Variants in SPINK6 observed in about 807,000 individuals in gnomAD.
SPINK6 encodes the protein serine peptidase inhibitor Kazal type 6.
Under a neutral mutation model 11.7 loss-of-function variants are expected in SPINK6, and 13 were observed. That is an observed-to-expected ratio of 1.11 (90% CI 0.72 to 1.76). The LOEUF is 1.76. Ranked by LOEUF, SPINK6 falls within the 40% of genes most tolerant of loss-of-function variation. The probability of loss-of-function intolerance (pLI) is 0.00; values close to 1 mark genes in which losing one functional copy is unlikely to be tolerated. For synonymous variants in SPINK6, 21 were observed against 31.9 expected (o/e 0.66, Z 1.15); for missense variants, 98 against 93.7 (o/e 1.05, Z -0.19).
At chr5:148,205,179 G>T (rs1228960747) in intron 1 of SPINK6, among the ~76,000 whole-genome samples, 1 of 152,118 alleles carries the variant, frequency 6.6e-6, no homozygotes, top group Non-Finnish European at 1.5e-5. Flanking sequence ...TCCCATAAGT[G>T]TTGGCCATCA....
At chr5:148,208,508 C>A (rs1755528758) in intron 2 of SPINK6, among the ~76,000 whole-genome samples, 1 of 152,166 alleles carries the variant, frequency 6.6e-6, no homozygotes, top group Non-Finnish European at 1.5e-5. Context: ...CATGATGAGA[C>A]AACTGATGGG....
intron 1 of SPINK6, among the ~76,000 whole-genome samples, chr5:148,204,719 G>A (rs1033742432): frequency 6.6e-6 from 1 of 151,982 alleles, no homozygotes; most frequent in Non-Finnish European, 1.5e-5. Flanking sequence ...TTTAACAAAT[G>A]TCTATTAACA....
At chr5:148,209,957 T>G (rs1755549104) in intron 2 of SPINK6, among the ~76,000 whole-genome samples, 1 of 151,750 alleles carries the variant, frequency 6.6e-6, no homozygotes, top group Non-Finnish European at 1.5e-5. Context: ...TTCATATATA[T>G]GTATACATAC....
At chr5:148,203,264 TGAGA>T (rs781130220) in intron 1 of SPINK6, 110 bp downstream of exon 1, 1 of 733,176 alleles carries the variant, frequency 1.4e-6, no homozygotes, top group Non-Finnish European at 2.3e-6. Context: ...AGACCAATTC[TGAGA>T]GATTATCATA....
intron 2 of SPINK6, among the ~76,000 whole-genome samples, chr5:148,208,445 A>G (rs1343446607): frequency 6.6e-6 from 1 of 152,228 alleles, no homozygotes; most frequent in East Asian, 1.9e-4. Context: ...GACAAAAGGA[A>G]GTAAGATTTC....
At chr5:148,210,733 G>T (rs193176761) in intron 2 of SPINK6, among the ~76,000 whole-genome samples, 2 of 151,988 alleles carry the variant, frequency 1.3e-5, no homozygotes, top group Admixed American at 6.6e-5. Context: ...TCTGGAAAGA[G>T]TTTCAAAAAG....
chr5:148,212,102 A>G, intron 2 of SPINK6, among the ~76,000 whole-genome samples: 1 of 151,968 alleles, frequency 6.6e-6, no homozygotes, highest in East Asian at 1.9e-4. Context: ...CATTGTGTTG[A>G]AAACAATCTT....
At chr5:148,214,300 C>T (rs994963046) in intron 3 of SPINK6, among the ~76,000 whole-genome samples, 4 of 152,088 alleles carry the variant, frequency 2.6e-5, no homozygotes, top group African/African-American at 9.7e-5. Flanking sequence ...ACATCTTATA[C>T]ATTATAACTT....
At chr5:148,209,665 CTTATT>C (rs1198620055) in intron 2 of SPINK6, among the ~76,000 whole-genome samples, 2 of 151,990 alleles carry the variant, frequency 1.3e-5, no homozygotes, top group East Asian at 1.9e-4. Flanking sequence ...GAGATAAAAA[CTTATT>C]TTATTAGTCC....
chr5:148,215,025 G>A lies in SPINK6; in HGVS notation c.*75G>A. The A allele has an allele frequency of 2.1e-6, 3 of 1,438,520 alleles. No individual in the cohort carries two copies. The highest frequency in any genetic ancestry group is 2.9e-6 in the Non-Finnish European group (3 of 1,024,518). The allele number at this position is 1,438,520 out of a possible 1,614,324, so 89.1% of individuals were successfully genotyped here. ...TCTCACTTCTGCTTATACTTTTGCT[G>A]GTGGATTCCTTTAATTCATAAAGAC... On this transcript the variant is annotated 3_prime_UTR_variant, in exon 4 of 4. Coordinates refer to ENST00000325630, the MANE Select transcript of SPINK6 (RefSeq NM_205841.4).
chr5:148,208,952 A>C (rs927108672), intron 2 of SPINK6, among the ~76,000 whole-genome samples: 5 of 152,244 alleles, frequency 3.3e-5, no homozygotes, highest in Non-Finnish European at 7.3e-5. Context: ...GAATAGTTCG[A>C]AATGAAATAA....
chr5:148,212,480 T>TATATATA (rs1443501373), intron 2 of SPINK6, among the ~76,000 whole-genome samples: 6 of 97,006 alleles, frequency 6.2e-5, no homozygotes, highest in African/African-American at 2.1e-4. Flanking sequence ...TACATATTTT[T>TATATATA]TATATATATA....
At position 148,210,265 on chromosome 5, in the gene SPINK6, T is replaced by C. The variant is rs1488422383; in HGVS notation, c.82-3645T>C. Among the ~76,000 whole-genome samples the C allele has an allele frequency of 1.8e-4, 20 of 108,710 alleles. 1 individual carries two copies. The highest frequency in any genetic ancestry group is 3.7e-4 in the African/African-American group (11 of 29,904). The allele number at this position is 108,710 out of a possible 152,430, so 71.3% of individuals were successfully genotyped here. On this transcript the variant is annotated intron_variant, in intron 2 of 3. Coordinates refer to ENST00000325630, the MANE Select transcript of SPINK6 (RefSeq NM_205841.4). ...GTATGTATTTCTGCATACATATATA[T>C]GTATGTGTTTCTGCATACATATATA...
chr5:148,202,831 T>C (rs1755449394), upstream of SPINK6: 2 of 355,568 alleles, frequency 5.6e-6, no homozygotes, highest in South Asian at 9.9e-5. Flanking sequence ...GGAGGATGTA[T>C]TGGTTGTTAG....
At chr5:148,204,736 C>A in intron 1 of SPINK6, among the ~76,000 whole-genome samples, 1 of 152,026 alleles carries the variant, frequency 6.6e-6, no homozygotes, top group Non-Finnish European at 1.5e-5. Flanking sequence ...AACATTATTG[C>A]CATAATAAAG....
At chr5:148,206,233 AC>A (rs367686016) in intron 2 of SPINK6, among the ~76,000 whole-genome samples, 175 bp downstream of exon 2, 1 of 138,002 alleles carries the variant, frequency 7.2e-6, no homozygotes, top group Admixed American at 7.0e-5. Flanking sequence ...GTTTAAAAGA[AC>A]CTAACCACAC....
At chr5:148,207,424 G>T (rs1288420472) in intron 2 of SPINK6, among the ~76,000 whole-genome samples, 1 of 152,094 alleles carries the variant, frequency 6.6e-6, no homozygotes. Flanking sequence ...ATGGAGCAGG[G>T]CCCCTGGGTG....
rs1434826465 is a variant in SPINK6 at position 148,210,005 on chromosome 5, T to TGTATACATAC, written c.82-3905_82-3904insGTATACATAC. 5.3e-5 allele frequency among the ~76,000 whole-genome samples: 7 copies of TGTATACATAC among 133,188 alleles called. 2 individuals carry two copies. The highest frequency in any genetic ancestry group is 1.9e-4 in the African/African-American group (7 of 36,068). 87.4% of individuals were successfully genotyped at this position (133,188 alleles called of 152,430 possible). ...GTATGTATACATATACACGTATGTA[T>TGTATACATAC]ACATGTATGTACGCATGTACGCATG... On this transcript the variant is annotated intron_variant, in intron 2 of 3. Transcript: ENST00000325630.
rs777706803 is a variant in SPINK6, at chr5:148,214,977, T to C, written c.*27T>C. On this transcript the variant is annotated 3_prime_UTR_variant, in exon 4 of 4. Coordinates refer to ENST00000325630, the MANE Select transcript of SPINK6 (RefSeq NM_205841.4). ...TTAAAGCCAATGTTTCTTGGTGACT[T>C]GCCAGCTTTTGCAGCCTTCTTTTCT... 1.4e-4 allele frequency: 230 copies of C among 1,611,278 alleles called. 2 individuals are homozygous for C. In the Admixed American group the frequency reaches 3.7e-3, roughly 26 times the overall value.
Sources: gnomAD v4.1 joint callset for allele counts (sites outside exome capture counted in the v4.1 genomes callset) on GRCh38, gnomAD v4.1.1 for gene constraint, MANE v1.5 for transcripts, NCBI Gene and HGNC (gene_info 2026-07-23, HGNC 2026-07-21) for gene names.